The following PDGFRL variants were observed in gnomAD, a reference collection of about 807,000 sequenced individuals.
The protein encoded by PDGFRL is platelet derived growth factor receptor like.
Under a neutral mutation model 37.2 loss-of-function variants are expected in PDGFRL, and 46 were observed. The observed-to-expected ratio is 1.24, with a 90% CI of 0.98 to 1.58. PDGFRL has a LOEUF of 1.58. PDGFRL is among the 40% of genes most tolerant of loss of function. The pLI, the probability that PDGFRL is intolerant of heterozygous loss-of-function variation, is 0.00. For synonymous variants in PDGFRL, 251 were observed against 184.3 expected (o/e 1.36, Z -2.93); for missense variants, 692 against 467.6 (o/e 1.48, Z -4.43).
At chr8:17,589,419 C>T (rs779280960) in intron 1 of PDGFRL, 49 bp from the exon 2 acceptor site, 15 of 1,413,632 alleles carry the variant, frequency 1.1e-5, no homozygotes, top group Non-Finnish European at 1.4e-5. Flanking sequence ...CTCAAATATT[C>T]CAAAAATGTC....
At position 17,635,150 on chromosome 8, in the gene PDGFRL, G is replaced by T. The variant is rs184001181; in HGVS notation, c.939+937G>T. The stretch of plus-strand genomic sequence containing the variant: ...GTTTTTAATATATTTTGTCATTTTT[G>T]ATTTCAATCGGTTTTTAAGAACAGT... On this transcript the variant is annotated intron_variant, in intron 5 of 5. Coordinates refer to ENST00000251630, the MANE Select transcript of PDGFRL (RefSeq NM_001372073.1). Among the ~76,000 whole-genome samples the T allele has an allele frequency of 8.5e-5, 13 of 152,136 alleles. No homozygotes were observed. The East Asian group carries it at 1.3e-3, about 16-fold the overall frequency.
intron 2 of PDGFRL, among the ~76,000 whole-genome samples, chr8:17,615,697 T>A (rs930291360): frequency 1.3e-5 from 2 of 152,112 alleles, no homozygotes; most frequent in Non-Finnish European, 2.9e-5. Context: ...GGGAGATTGC[T>A]TGAGGCCAGG....
intron 2 of PDGFRL, among the ~76,000 whole-genome samples, chr8:17,620,141 T>C (rs1213964237): frequency 1.3e-5 from 2 of 152,144 alleles, no homozygotes; most frequent in Non-Finnish European, 1.5e-5. Flanking sequence ...TGTTTAATTT[T>C]TGTAAAAATG....
intron 2 of PDGFRL, among the ~76,000 whole-genome samples, chr8:17,605,505 A>T (rs1257231344): frequency 2.6e-5 from 4 of 152,324 alleles, no homozygotes; most frequent in Admixed American, 2.6e-4. Context: ...CTTGAATCTC[A>T]TCATAACACA....
At chr8:17,580,611 A>G (rs533977882) in intron 1 of PDGFRL, among the ~76,000 whole-genome samples, 1 of 152,306 alleles carries the variant, frequency 6.6e-6, no homozygotes, top group Non-Finnish European at 1.5e-5. Context: ...AAAGATAAAG[A>G]AGTAAAGATA....
rs191756763 is a variant in PDGFRL, at chr8:17,642,923, G to A, written c.*122G>A. 4.2e-3 allele frequency: 2,683 copies of A among 635,896 alleles called. 12 individuals are homozygous for A. The highest frequency in any genetic ancestry group is 6.3e-3 in the Non-Finnish European group (2,263 of 360,536). The allele number at this position is 635,896 out of a possible 1,614,324, so 39.4% of individuals were successfully genotyped here. A position where few individuals can be genotyped will look rare whatever the true frequency, so the allele number is the denominator to read the frequency against. On this transcript the variant is annotated 3_prime_UTR_variant, in exon 6 of 6. Transcript: ENST00000251630. Reference sequence around the variant, plus strand: ...TCAAGCACCACACCCCAACCCCAGCGTCTCGTGAGTCCGACCCAGACATCC... The same window carrying A: ...TCAAGCACCACACCCCAACCCCAGCATCTCGTGAGTCCGACCCAGACATCC...
intron 2 of PDGFRL, chr8:17,596,305 C>CTGCT: frequency 8.3e-7 from 1 of 1,202,204 alleles, no homozygotes; most frequent in Non-Finnish European, 1.0e-6. Flanking sequence ...GGCTGCCAGG[C>CTGCT]TGCTCACAGG....
intron 1 of PDGFRL, among the ~76,000 whole-genome samples, chr8:17,584,717 CTTT>C (rs58165312): frequency 4.8e-5 from 7 of 145,186 alleles, no homozygotes; most frequent in African/African-American, 1.3e-4. Context: ...TCAGAAACTG[CTTT>C]TTTTTTTTTT....
intron 2 of PDGFRL, among the ~76,000 whole-genome samples, chr8:17,597,673 A>T (rs1425875463): frequency 6.6e-6 from 1 of 152,204 alleles, no homozygotes; most frequent in Non-Finnish European, 1.5e-5. Context: ...TGAAGAAAAC[A>T]TTCATGGCAC....
chr8:17,634,037 C>T (rs757945300), intron 4 of PDGFRL, 37 bp from the exon 5 acceptor site: 80 of 1,607,380 alleles, frequency 5.0e-5, no homozygotes, highest in Non-Finnish European at 6.1e-5. Context: ...AGGTTACACT[C>T]GGGGTCTCAC....
At chr8:17,602,384 C>A (rs929602545) in intron 2 of PDGFRL, among the ~76,000 whole-genome samples, 2 of 152,158 alleles carry the variant, frequency 1.3e-5, no homozygotes, top group Non-Finnish European at 2.9e-5. Flanking sequence ...GCGGCTGCCC[C>A]ACTTCAGAGC....
intron 2 of PDGFRL, among the ~76,000 whole-genome samples, chr8:17,592,094 C>A (rs117612542): frequency 3.9e-5 from 6 of 152,116 alleles, no homozygotes; most frequent in African/African-American, 1.4e-4. Context: ...TCCTCCCTCT[C>A]CCCCACACTC....
At chr8:17,602,757 A>G (rs1804193117) in intron 2 of PDGFRL, among the ~76,000 whole-genome samples, 1 of 151,990 alleles carries the variant, frequency 6.6e-6, no homozygotes, top group Non-Finnish European at 1.5e-5. Flanking sequence ...CTTGTTTGCA[A>G]AACCCTGTCA....
chr8:17,616,967 C>T (rs879479765), intron 2 of PDGFRL, among the ~76,000 whole-genome samples: 8 of 152,182 alleles, frequency 5.3e-5, no homozygotes, highest in Non-Finnish European at 8.8e-5. Flanking sequence ...GTCCCTATAT[C>T]TGAGGACTGT....
intron 2 of PDGFRL, among the ~76,000 whole-genome samples, chr8:17,594,927 T>G (rs140163933): frequency 5.6e-4 from 85 of 152,348 alleles, no homozygotes; most frequent in Non-Finnish European, 1.1e-3. Context: ...GCAGTGAACA[T>G]GGATGTGCAT....
intron 2 of PDGFRL, among the ~76,000 whole-genome samples, chr8:17,594,766 C>G (rs1202667649): frequency 6.6e-6 from 1 of 152,056 alleles, no homozygotes; most frequent in East Asian, 1.9e-4. Flanking sequence ...TGGTCTCGAT[C>G]TCCTGACCTC....
intron 3 of PDGFRL, among the ~76,000 whole-genome samples, chr8:17,623,649 C>T (rs1055363956): frequency 9.9e-5 from 15 of 152,124 alleles, no homozygotes; most frequent in African/African-American, 1.4e-4. Context: ...CCACGGCGGG[C>T]GGATCACCTG....
chr8:17,576,993 A>G, upstream of PDGFRL: 1 of 541,638 alleles, frequency 1.8e-6, no homozygotes, highest in Non-Finnish European at 3.2e-6. Context: ...TGTACATTTC[A>G]CGCTTAGCCT....
intron 2 of PDGFRL, among the ~76,000 whole-genome samples, chr8:17,598,238 CA>C (rs752061174): frequency 4.7e-4 from 71 of 152,340 alleles, no homozygotes; most frequent in Middle Eastern, 3.4e-3. Context: ...TACTAACCAG[CA>C]AAGTGGTGTG....
Sources: gnomAD v4.1 joint callset for allele counts (sites outside exome capture counted in the v4.1 genomes callset) on GRCh38, gnomAD v4.1.1 for gene constraint, MANE v1.5 for transcripts, NCBI Gene and HGNC (gene_info 2026-07-23, HGNC 2026-07-21) for gene names.